ANO3: variants seen among roughly 807,000 people sequenced by gnomAD.
The protein encoded by ANO3 is anoctamin-3.
Under a neutral mutation model 144.8 loss-of-function variants are expected in ANO3, and 99 were observed. That is an observed-to-expected ratio of 0.68 (90% CI 0.58 to 0.81). The LOEUF is 0.81. ANO3 is among the 30% of genes least tolerant of loss of function. The pLI is 0.00. For missense variants in ANO3, 905 were observed against 1,202.2 expected (o/e 0.75, Z 3.66); for synonymous variants, 414 against 392.6 (o/e 1.05, Z -0.64).
intron 1 of ANO3, among the ~76,000 whole-genome samples, chr11:26,304,100 G>A (rs553102902): frequency 6.6e-6 from 1 of 151,962 alleles, no homozygotes; most frequent in East Asian, 1.9e-4. Context: ...TTGATTGAAT[G>A]GTATTATATT....
At chr11:26,328,269 G>A (rs905238621), upstream of ANO3, among the ~76,000 whole-genome samples, 2 of 152,030 alleles carry the variant, frequency 1.3e-5, no homozygotes, top group Non-Finnish European at 2.9e-5. Context: ...AGGCTTTTAG[G>A]GAGAAAATTG....
chr11:26,447,973 C>T (rs1858764302), intron 3 of ANO3, among the ~76,000 whole-genome samples: 1 of 152,104 alleles, frequency 6.6e-6, no homozygotes, highest in African/African-American at 2.4e-5. Flanking sequence ...CTTCCCATGC[C>T]CATGTGGCTA....
chr11:26,636,931 G>A (rs1199334290), intron 20 of ANO3, among the ~76,000 whole-genome samples: 2 of 152,180 alleles, frequency 1.3e-5, no homozygotes, highest in Non-Finnish European at 2.9e-5. Context: ...ACCCTGCCAG[G>A]TTCTCACAAG....
At chr11:26,203,414 T>C (rs1851735492) in intron 1 of ANO3, among the ~76,000 whole-genome samples, 1 of 152,126 alleles carries the variant, frequency 6.6e-6, no homozygotes, top group Non-Finnish European at 1.5e-5. Context: ...ATTCATTGAA[T>C]GCAAGTTTTA....
chr11:26,565,252 G>A (rs1392491423), intron 14 of ANO3: 2 of 1,584,044 alleles, frequency 1.3e-6, no homozygotes, highest in African/African-American at 1.4e-5. Flanking sequence ...TCTTGATAAG[G>A]GGTAAACCCA....
intron 1 of ANO3, chr11:26,427,540 A>G (rs757396387): frequency 2.0e-5 from 3 of 152,214 alleles, no homozygotes; most frequent in Non-Finnish European, 4.4e-5. Flanking sequence ...AGTGATCAGT[A>G]TCCATAAAAA....
chr11:26,398,892 A>T (rs1279650309), intron 1 of ANO3, among the ~76,000 whole-genome samples: 1 of 152,072 alleles, frequency 6.6e-6, no homozygotes, highest in Non-Finnish European at 1.5e-5. Flanking sequence ...AACAAAGCAG[A>T]CAGGACCAGT....
chr11:26,458,504 T>C (rs755528080), intron 3 of ANO3, among the ~76,000 whole-genome samples: 3 of 152,148 alleles, frequency 2.0e-5, no homozygotes, highest in Non-Finnish European at 1.5e-5. Context: ...TGTCCTTACA[T>C]TTATATTGTT....
At chr11:26,247,756 T>A (rs533525124) in intron 1 of ANO3, among the ~76,000 whole-genome samples, 179 of 105,374 alleles carry the variant, frequency 1.7e-3, no homozygotes, top group Non-Finnish European at 2.5e-3. Context: ...TGAGACGGAG[T>A]CTCACACTGT....
chr11:26,458,193 A>T (rs555851268), intron 3 of ANO3, among the ~76,000 whole-genome samples: 1 of 152,170 alleles, frequency 6.6e-6, no homozygotes, highest in African/African-American at 2.4e-5. Context: ...AAAAATAAGG[A>T]TCTGTGCCCT....
chr11:26,391,939 CT>C (rs1856891477), intron 1 of ANO3, among the ~76,000 whole-genome samples: 1 of 152,038 alleles, frequency 6.6e-6, no homozygotes, highest in Admixed American at 6.6e-5. Context: ...ATTTTGATGT[CT>C]CAGTCATAAG....
chr11:26,642,739 C>A (rs568192890), intron 22 of ANO3, among the ~76,000 whole-genome samples: 1 of 152,126 alleles, frequency 6.6e-6, no homozygotes, highest in African/African-American at 2.4e-5. Context: ...GCACAGACTC[C>A]GTCTGAATCT....
At chr11:26,594,707 ACAC>A (rs926058963) in intron 14 of ANO3, among the ~76,000 whole-genome samples, 1 of 152,058 alleles carries the variant, frequency 6.6e-6, no homozygotes, top group African/African-American at 2.4e-5. Context: ...AGCTGGGAGA[ACAC>A]CAGGGCAGGG....
chr11:26,439,884 A>C (rs894274849), intron 1 of ANO3, among the ~76,000 whole-genome samples: 4 of 152,198 alleles, frequency 2.6e-5, no homozygotes, highest in Non-Finnish European at 5.9e-5. Flanking sequence ...TTTTAATTTT[A>C]TTTACTTCTA....
chr11:26,407,664 A>G (rs1215824055), intron 1 of ANO3, among the ~76,000 whole-genome samples: 2 of 151,828 alleles, frequency 1.3e-5, no homozygotes, highest in Admixed American at 6.6e-5. Flanking sequence ...GCAGAGCGAT[A>G]CCCTTAAATA....
At chr11:26,313,249 T>A (rs1477464859) in intron 1 of ANO3, among the ~76,000 whole-genome samples, 1 of 152,228 alleles carries the variant, frequency 6.6e-6, no homozygotes, top group Non-Finnish European at 1.5e-5. Flanking sequence ...TTGCTGTGAA[T>A]CTTTTTTGTA....
intron 7 of ANO3, 28 bp downstream of exon 7, chr11:26,525,707 T>A: frequency 1.3e-6 from 2 of 1,585,232 alleles, no homozygotes; most frequent in Non-Finnish European, 1.7e-6. Flanking sequence ...CATTTCTTTA[T>A]AACAAATTTG....
At chr11:26,365,578 C>A (rs1856046193) in intron 1 of ANO3, among the ~76,000 whole-genome samples, 1 of 152,232 alleles carries the variant, frequency 6.6e-6, no homozygotes, top group Non-Finnish European at 1.5e-5. Context: ...CTCTTATACT[C>A]TGCATGCCTA....
In ANO3 at chr11:26,447,206, C is replaced by CAAAA. The variant is rs11464160; in HGVS notation, c.313+3389_313+3392dup. ...TGGGCAACAGAGTGGGACTCTGCCT[C>CAAAA]AAAAAAAAAAAAAAAAAAAAAAGGT... On this transcript the variant is annotated intron_variant, in intron 3 of 26. Coordinates refer to ENST00000256737, the MANE Select transcript of ANO3 (RefSeq NM_031418.4). Among the ~76,000 whole-genome samples, 20 of 49,796 alleles carry CAAAA rather than the reference C, an allele frequency of 4.0e-4. 1 individual carries two copies. The highest frequency in any genetic ancestry group is 5.5e-4 in the Non-Finnish European group (16 of 29,006). The allele number at this position is 49,796 out of a possible 152,430, so 32.7% of individuals were successfully genotyped here.
Sources: gnomAD v4.1 joint callset for allele counts (sites outside exome capture counted in the v4.1 genomes callset) on GRCh38, gnomAD v4.1.1 for gene constraint, MANE v1.5 for transcripts, NCBI Gene and HGNC (gene_info 2026-07-23, HGNC 2026-07-21) for gene names.